Variants in SALL1 observed in about 807,000 individuals in gnomAD.
SALL1 encodes the protein spalt like transcription factor 1.
A neutral mutation model predicts 73.1 loss-of-function variants in SALL1; 10 were observed. The observed-to-expected ratio is 0.14, with a 90% confidence interval of 0.08 to 0.23. The LOEUF (loss-of-function observed/expected upper bound fraction) is 0.23, where lower values mean the gene tolerates loss of function less well. Among genes scored for constraint, SALL1 ranks in the 10% least tolerant of loss-of-function variants. The pLI is 1.00. For synonymous variants in SALL1, 688 were observed against 689.8 expected (o/e 1.00, Z 0.04); for missense variants, 1,520 against 1,697.3 (o/e 0.90, Z 1.84).
In SALL1 at chr16:51,139,044, G is replaced by A. The variant is rs771617359; in HGVS notation, c.3178C>T (p.Leu1060Phe). Residue 1060 changes from leucine (L) to phenylalanine (F), a missense_variant, in exon 2 of 3, where the codon CTC becomes TTC. Coordinates refer to ENST00000251020, the MANE Select transcript of SALL1 (RefSeq NM_002968.3). ...CCAAGGTTGGAACTGGGCTCAAAGA[G>A]CTGGGATGGCAGATCTCGCATCTGA... ...THQMRDLPSQ[L>F]FEPSSNLGPN... 11 of 1,614,110 alleles carry A rather than the reference G, an allele frequency of 6.8e-6. No individual in the cohort carries two copies. The Middle Eastern group carries it at 1.2e-3, about 169-fold the overall frequency.
rs113614842 is a variant in SALL1, at chr16:51,141,744, CGCTGCTGCTGCT to C, written c.466_477del (p.Ser156_Ser159del). On this transcript the variant is annotated inframe_deletion, in exon 2 of 3. Transcript: ENST00000251020. The surrounding 1 kb of genome is among the most constrained non-coding windows in gnomAD (Gnocchi z 5.4). ...CCTGTGGAGGAGCTGCCGCCGCCGC[CGCTGCTGCTGCT>C]GCTGCTGCTGCTGCTGCTTGGGGCG... The C allele has an allele frequency of 4.4e-5, 70 of 1,579,926 alleles. No homozygotes were observed. Among genetic ancestry groups the C allele is most frequent in the South Asian group, 1.1e-4 (10 of 88,726 alleles).
At chr16:51,151,131 G>T (rs1165635109) in intron 1 of SALL1, 35 bp downstream of exon 1, 14 of 1,525,806 alleles carry the variant, frequency 9.2e-6, no homozygotes, top group African/African-American at 1.4e-5. Context: ...GTGAGTGCGT[G>T]TGTGTGTGTC....
At chr16:51,148,211 C>A (rs1962546324) in intron 1 of SALL1, among the ~76,000 whole-genome samples, 1 of 152,056 alleles carries the variant, frequency 6.6e-6, no homozygotes, top group African/African-American at 2.4e-5. Flanking sequence ...TCTGGATTTT[C>A]TTTGTAAGCA....
chr16:51,147,093 T>A (rs1380939781), intron 1 of SALL1, among the ~76,000 whole-genome samples: 1 of 152,220 alleles, frequency 6.6e-6, no homozygotes, highest in Non-Finnish European at 1.5e-5. Flanking sequence ...TAAAAGGTTC[T>A]GTTGGTAAAG....
chr16:51,137,745 T>G (rs1366078899), intron 2 of SALL1, among the ~76,000 whole-genome samples, 193 bp from the exon 3 acceptor site: 2 of 152,206 alleles, frequency 1.3e-5, no homozygotes, highest in African/African-American at 2.4e-5. Context: ...TCCTGTCTAG[T>G]AATAACGTGT....
chr16:51,138,709 G>A lies in SALL1; in HGVS notation c.3513C>T (p.Phe1171=). 6.2e-7 allele frequency: 1 copy of A among 1,613,798 alleles called. No homozygotes were observed. Among genetic ancestry groups the A allele is most frequent in the Non-Finnish European group, 8.5e-7 (1 of 1,179,734 alleles). The change falls in exon 2 of 3, where the codon TTC becomes TTT. Residue 1171 remains phenylalanine, a synonymous_variant. Coordinates refer to ENST00000251020, the MANE Select transcript of SALL1 (RefSeq NM_002968.3). The stretch of plus-strand genomic sequence containing the variant: ...GTACCTTAAGATTGCCTTTAGTCGT[G>A]AAAGCTCTTCCACAAATAGTGCAAG... The part of the protein sequence containing the change: ...PFACTICGRA[F]TTKGNLKVHM...
chr16:51,138,619 C>G, intron 2 of SALL1, 69 bp downstream of exon 2: 2 of 1,550,432 alleles, frequency 1.3e-6, no homozygotes, highest in East Asian at 4.5e-5. Flanking sequence ...TGGGGGCATG[C>G]ATTATAGATA....
intron 1 of SALL1, 52 bp downstream of exon 1, chr16:51,151,114 C>T: frequency 2.9e-6 from 4 of 1,384,638 alleles, no homozygotes; most frequent in Non-Finnish European, 3.9e-6. Flanking sequence ...TCCGAGTGTG[C>T]GTGAGTGTGA....
intron 1 of SALL1, among the ~76,000 whole-genome samples, chr16:51,148,846 T>C (rs938760011): frequency 2.0e-5 from 3 of 149,956 alleles, no homozygotes; most frequent in Non-Finnish European, 4.4e-5. Flanking sequence ...TGTTCAACCA[T>C]GTAAAAACAG....
intron 1 of SALL1, chr16:51,150,794 C>T: frequency 5.1e-6 from 1 of 197,340 alleles, no homozygotes; most frequent in African/African-American, 2.3e-5. Flanking sequence ...TGCGGTCAGG[C>T]CGGGGCGACC....
In SALL1 at chr16:51,137,232, G is replaced by C. The variant is rs777335761; in HGVS notation, c.3855C>G (p.Leu1285=). Residue 1285 remains leucine, a synonymous_variant, in exon 3 of 3, where the codon CTC becomes CTG. Coordinates refer to ENST00000251020, the MANE Select transcript of SALL1 (RefSeq NM_002968.3). ...GGGGAGCATTGGGCTCTGAGTTCTG[G>C]AGCCTCTCCAGGTTTCCCGTCAGCC... The part of the protein sequence containing the change: ...VSGLTGNLER[L]QNSEPNAPLA... The C allele has an allele frequency of 6.8e-6, 11 of 1,613,992 alleles. No homozygotes were observed. In the Admixed American group the frequency reaches 1.3e-4, roughly 20 times the overall value.
At chr16:51,149,532 T>G (rs776900238) in intron 1 of SALL1, 4 of 152,060 alleles carry the variant, frequency 2.6e-5, no homozygotes, top group Non-Finnish European at 5.9e-5. Flanking sequence ...TCGCTTGGGG[T>G]GGAAAGCGGG....
intron 1 of SALL1, chr16:51,150,573 T>C: frequency 1.0e-6 from 1 of 985,996 alleles, no homozygotes; most frequent in Non-Finnish European, 1.2e-6. Flanking sequence ...AGTCCCCATC[T>C]TCTTGCAGCT....
At chr16:51,151,669 C>T (rs1198040521), upstream of SALL1, among the ~76,000 whole-genome samples, 1 of 151,408 alleles carries the variant, frequency 6.6e-6, no homozygotes, top group East Asian at 2.0e-4. Flanking sequence ...CCGGCCTCCT[C>T]TCCACTGCGG....
At chr16:51,143,821 TAA>T (rs1327857787) in intron 1 of SALL1, among the ~76,000 whole-genome samples, 7 of 152,218 alleles carry the variant, frequency 4.6e-5, no homozygotes, top group Admixed American at 1.3e-4. Context: ...TTTGAGTAGC[TAA>T]GTTATACTTA....
chr16:51,137,235 C>G lies in SALL1; in HGVS notation c.3852G>C (p.Arg1284Ser), dbSNP rs770636350. 6.2e-7 allele frequency: 1 copy of G among 1,614,096 alleles called. No homozygotes were observed. The highest frequency in any genetic ancestry group is 8.5e-7 in the Non-Finnish European group (1 of 1,179,996). ...PVSGLTGNLE[R>S]LQNSEPNAPL... Reference sequence around the variant, plus strand: ...GAGCATTGGGCTCTGAGTTCTGGAGCCTCTCCAGGTTTCCCGTCAGCCCAC... The same window carrying G: ...GAGCATTGGGCTCTGAGTTCTGGAGGCTCTCCAGGTTTCCCGTCAGCCCAC... Residue 1284 changes from arginine (R) to serine (S), a missense_variant, in exon 3 of 3, where the codon AGG becomes AGC. Physicochemically the swap from Arg to Ser is moderately radical, Grantham distance 110 (BLOSUM62 -1). Coordinates refer to ENST00000251020, the MANE Select transcript of SALL1 (RefSeq NM_002968.3).
chr16:51,138,863 G>A lies in SALL1; in HGVS notation c.3359C>T (p.Pro1120Leu). ...CCTGGGCAGAGCAGGGAGCAGAACT[G>A]GGGATGTGGCAGAGGAAGACAGAGG... ...SGPLSSSATS[P>L]VLLPALPRRT... Residue 1120 changes from proline (P) to leucine (L), a missense_variant, in exon 2 of 3, where the codon CCA becomes CTA. Physicochemically the swap from Pro to Leu is moderately conservative, Grantham distance 98. This residue lies in a region of SALL1 where 318 missense variants were observed against 357.1 expected (regional missense o/e 0.89). Coordinates refer to ENST00000251020, the MANE Select transcript of SALL1 (RefSeq NM_002968.3). The A allele has an allele frequency of 3.7e-6, 6 of 1,614,214 alleles. No individual in the cohort carries two copies. The highest frequency in any genetic ancestry group is 1.1e-5 in the South Asian group (1 of 91,086).
At position 51,139,288 on chromosome 16, in the gene SALL1, C is replaced by G; in HGVS notation, c.2934G>C (p.Glu978Asp). The G allele has an allele frequency of 1.9e-6, 3 of 1,614,146 alleles. No individual in the cohort carries two copies. In the South Asian group the frequency reaches 3.3e-5, roughly 18 times the overall value. ...CCAAAGAATCTTCTTTGATGATTTT[C>G]TCTGCGTGACTAGATGTCAAATCCA... Reference protein sequence around the residue: ...GALDLTSSHAEKIIKEDSLGI... With the variant: ...GALDLTSSHADKIIKEDSLGI... Residue 978 changes from glutamate to aspartate, a missense_variant, in exon 2 of 3, where the codon GAG becomes GAC. Physicochemically the swap from Glu to Asp is conservative, Grantham distance 45 (BLOSUM62 2). Transcript: ENST00000251020.
chr16:51,151,128 CGTGTGT>C, intron 1 of SALL1, 32 bp downstream of exon 1: 2 of 1,484,750 alleles, frequency 1.3e-6, no homozygotes, highest in Non-Finnish European at 1.8e-6. Flanking sequence ...AGTGTGAGTG[CGTGTGT>C]GTGTGTCCAC....
Sources: allele counts gnomAD v4.1 joint callset (sites outside exome capture counted in the v4.1 genomes callset), GRCh38; gene constraint gnomAD v4.1.1; regional missense constraint gnomAD v4.1.1; non-coding constraint Gnocchi (gnomAD v3.1); transcripts MANE v1.5; gene names NCBI Gene and HGNC (gene_info 2026-07-23, HGNC 2026-07-21).